The following HUNK variants were observed in gnomAD, a reference collection of about 807,000 sequenced individuals.
HUNK encodes hormonally up-regulated Neu-associated kinase.
HUNK carries 21 observed loss-of-function variants against 61.0 expected under a neutral mutation model. That is an observed-to-expected ratio of 0.34 (90% confidence interval 0.24 to 0.50). The LOEUF (loss-of-function observed/expected upper bound fraction) is 0.50. HUNK is among the 20% of genes least tolerant of loss of function. HUNK has a pLI of 0.98. For synonymous variants in HUNK, 371 were observed against 386.1 expected, an observed-to-expected ratio of 0.96 and a Z score of 0.46; for missense variants, 772 against 945.7, an observed-to-expected ratio of 0.82 and a Z score of 2.41.
chr21:31,997,448 C>T (rs1363655007), intron 10 of HUNK, among the ~76,000 whole-genome samples: 1 of 152,176 alleles, frequency 6.6e-6, no homozygotes, highest in Non-Finnish European at 1.5e-5. Flanking sequence ...CACAGATGAA[C>T]CTGGAGGACA....
intron 1 of HUNK, among the ~76,000 whole-genome samples, chr21:31,877,347 C>G (rs897299473): frequency 1.3e-5 from 2 of 152,092 alleles, no homozygotes; most frequent in African/African-American, 4.8e-5. Context: ...ACAAAGGGAG[C>G]CAGTTTTTCC....
chr21:31,900,878 A>G (rs2052462185), intron 1 of HUNK, among the ~76,000 whole-genome samples: 1 of 152,136 alleles, frequency 6.6e-6, no homozygotes, highest in African/African-American at 2.4e-5. Context: ...AGACCTTAGA[A>G]CAACGGAAAC....
chr21:31,886,059 C>T (rs1363106678), intron 1 of HUNK, among the ~76,000 whole-genome samples: 5 of 152,112 alleles, frequency 3.3e-5, no homozygotes, highest in African/African-American at 9.7e-5. Context: ...TTGATAAGGA[C>T]ACCAGTTCAA....
At chr21:31,907,988 C>T (rs1029240032) in intron 1 of HUNK, among the ~76,000 whole-genome samples, 1 of 150,694 alleles carries the variant, frequency 6.6e-6, no homozygotes, top group Non-Finnish European at 1.5e-5. Flanking sequence ...GAGTCTCCAT[C>T]TCAAAAGAAA....
intron 6 of HUNK, among the ~76,000 whole-genome samples, chr21:31,968,632 C>T (rs1271682795): frequency 6.6e-6 from 1 of 152,072 alleles, no homozygotes; most frequent in Non-Finnish European, 1.5e-5. Context: ...AGGCTGATAT[C>T]CAGGCTTTGA....
At chr21:31,980,309 G>T (rs2053086990) in intron 7 of HUNK, among the ~76,000 whole-genome samples, 2 of 151,234 alleles carry the variant, frequency 1.3e-5, no homozygotes, top group South Asian at 4.2e-4. Flanking sequence ...TGACCCTGTG[G>T]TCTGCCCGCA....
chr21:31,932,346 C>G (rs1344665412), intron 2 of HUNK, among the ~76,000 whole-genome samples: 1 of 152,168 alleles, frequency 6.6e-6, no homozygotes, highest in Non-Finnish European at 1.5e-5. Flanking sequence ...TCCCTCGCAC[C>G]CTCTGTCCTG....
intron 5 of HUNK, 138 bp downstream of exon 5, chr21:31,959,108 T>C: frequency 1.1e-6 from 1 of 904,978 alleles, no homozygotes. Context: ...TAGTGTTAAA[T>C]AGAAGTGTCA....
In HUNK at chr21:31,918,875, C is replaced by T. The variant is rs138846549; in HGVS notation, c.262-5593C>T. ...GGCCTATCTTTGGGAGGCCATTTTT[C>T]GACTTACCACACTGGGCCTGCTTCA... On this transcript the variant is annotated intron_variant, in intron 1 of 10. Transcript: ENST00000270112. Among the ~76,000 whole-genome samples the T allele has an allele frequency of 6.6e-3, 1,012 of 152,264 alleles. 16 individuals carry two copies. Among genetic ancestry groups the T allele is most frequent in the African/African-American group, 0.023 (955 of 41,540 alleles).
At position 31,904,530 on chromosome 21, in the gene HUNK, A is replaced by C. The variant is rs78958484; in HGVS notation, c.262-19938A>C. ...TTAGAAAGTCATAAGCTGGGAAAAC[A>C]TGTGACAGAGAGAAAAGGAACTCAA... On this transcript the variant is annotated intron_variant, in intron 1 of 10. Coordinates refer to ENST00000270112, the MANE Select transcript of HUNK (RefSeq NM_014586.2). Among the ~76,000 whole-genome samples the C allele has an allele frequency of 4.6e-3, 693 of 152,260 alleles. 9 individuals carry two copies. The highest frequency in any genetic ancestry group is 0.016 in the African/African-American group (666 of 41,560).
At chr21:31,913,205 C>CG (rs1435662929) in intron 1 of HUNK, among the ~76,000 whole-genome samples, 31 of 152,026 alleles carry the variant, frequency 2.0e-4, no homozygotes, top group Admixed American at 1.6e-3. Context: ...TGGAGAGGCC[C>CG]GGAGTGACCC....
At chr21:31,890,095 G>A (rs978232214) in intron 1 of HUNK, among the ~76,000 whole-genome samples, 2 of 152,108 alleles carry the variant, frequency 1.3e-5, no homozygotes, top group Non-Finnish European at 2.9e-5. Flanking sequence ...ATTTTTAACA[G>A]ATCAAAAGAA....
chr21:31,912,010 C>T (rs1013905805), intron 1 of HUNK, among the ~76,000 whole-genome samples: 2 of 152,184 alleles, frequency 1.3e-5, no homozygotes, highest in Non-Finnish European at 2.9e-5. Flanking sequence ...TCGGTCTCCT[C>T]GTACCTACTT....
intron 6 of HUNK, among the ~76,000 whole-genome samples, chr21:31,970,004 A>G (rs1185705800): frequency 6.6e-6 from 1 of 152,136 alleles, no homozygotes; most frequent in African/African-American, 2.4e-5. Context: ...ACTGGGACCC[A>G]CCTTCCTTCT....
rs373135708 is a variant in HUNK, at chr21:31,873,783, C to T, written c.109C>T (p.Leu37=). Residue 37 remains leucine, a synonymous_variant, in exon 1 of 11, where the codon CTG becomes TTG. Transcript: ENST00000270112. The surrounding 1 kb of genome is among the most constrained non-coding windows in gnomAD (Gnocchi z 6.1). Reference sequence around the variant, plus strand: ...CGCGGCGGCCTGCGAGGGAAGTTTCCTGCCTGCCTGGGTGAGCGGCGTGCC... The same window carrying T: ...CGCGGCGGCCTGCGAGGGAAGTTTCTTGCCTGCCTGGGTGAGCGGCGTGCC... ...RPAAACEGSF[L]PAWVSGVPRE... is the part of the protein sequence containing the mutation. The T allele has an allele frequency of 1.5e-3, 2,296 of 1,528,516 alleles. 4 individuals are homozygous for T. The highest frequency in any genetic ancestry group is 1.9e-3 in the Non-Finnish European group (2,153 of 1,140,852). 94.7% of individuals were successfully genotyped at this position (1,528,516 alleles called of 1,614,324 possible).
At chr21:31,901,402 G>A (rs999927763) in intron 1 of HUNK, among the ~76,000 whole-genome samples, 5 of 152,110 alleles carry the variant, frequency 3.3e-5, no homozygotes, top group African/African-American at 7.2e-5. Context: ...AGCAACTCCC[G>A]GTTTGTACAC....
At chr21:31,981,434 C>T (rs1208214643) in intron 7 of HUNK, among the ~76,000 whole-genome samples, 2 of 151,310 alleles carry the variant, frequency 1.3e-5, no homozygotes, top group East Asian at 1.9e-4. Context: ...CCATTGAATC[C>T]GTAGATTGCT....
At position 31,873,282 on chromosome 21, in the gene HUNK, T is replaced by TCCCGGACCCAGGCACCCGGAC. The variant is rs1358277728; in HGVS notation, c.-387_-367dup. On this transcript the variant is annotated 5_prime_UTR_variant, in exon 1 of 11. Coordinates refer to ENST00000270112, the MANE Select transcript of HUNK (RefSeq NM_014586.2). The surrounding 1 kb of genome is among the most constrained non-coding windows in gnomAD (Gnocchi z 6.1). ...GCGGAGGCTGCGGAGGCACCCGGGC[T>TCCCGGACCCAGGCACCCGGAC]CCCGGACCCAGGCACCCGGACCCCG... 4 of 151,136 alleles carry TCCCGGACCCAGGCACCCGGAC rather than the reference T, an allele frequency of 2.6e-5. No individual in the cohort carries two copies. Among genetic ancestry groups the TCCCGGACCCAGGCACCCGGAC allele is most frequent in the African/African-American group, 4.9e-5 (2 of 41,062 alleles). 9.4% of individuals were successfully genotyped at this position (151,136 alleles called of 1,614,324 possible). A position where few individuals can be genotyped will look rare whatever the true frequency, so the allele number is the denominator to read the frequency against.
chr21:31,975,816 C>A (rs1279346506), intron 7 of HUNK, among the ~76,000 whole-genome samples: 1 of 152,242 alleles, frequency 6.6e-6, no homozygotes, highest in African/African-American at 2.4e-5. Flanking sequence ...GTGGAGATGA[C>A]CAAATTAATA....
Sources: allele counts gnomAD v4.1 joint callset (sites outside exome capture counted in the v4.1 genomes callset), GRCh38; gene constraint gnomAD v4.1.1; non-coding constraint Gnocchi (gnomAD v3.1); transcripts MANE v1.5; gene names NCBI Gene and HGNC (gene_info 2026-07-23, HGNC 2026-07-21).